The following PDE1A variants were observed in gnomAD, a reference collection of about 807,000 sequenced individuals.
PDE1A encodes the protein phosphodiesterase 1A.
PDE1A carries 35 observed loss-of-function variants against 61.7 expected under a neutral mutation model. That is an observed-to-expected ratio of 0.57 (90% confidence interval 0.43 to 0.75). The LOEUF is 0.75. PDE1A is among the 30% of genes least tolerant of loss of function. PDE1A has a pLI of 0.00. For missense variants in PDE1A, 597 were observed against 630.6 expected, an observed-to-expected ratio of 0.95 and a Z score of 0.57; for synonymous variants, 232 against 213.2, an observed-to-expected ratio of 1.09 and a Z score of -0.77.
At chr2:182,385,312 G>T (rs896024163) in intron 1 of PDE1A, among the ~76,000 whole-genome samples, 1 of 152,152 alleles carries the variant, frequency 6.6e-6, no homozygotes. Context: ...ACTTCAGTGC[G>T]AAGGTTGACA....
the PDE1A span, among the ~76,000 whole-genome samples, chr2:182,545,300 C>T: frequency 6.6e-6 from 1 of 152,180 alleles, no homozygotes; most frequent in Non-Finnish European, 1.5e-5. Flanking sequence ...AAAGCAGCCC[C>T]TTCCCTGGTC....
the PDE1A span, among the ~76,000 whole-genome samples, chr2:182,658,057 AAAAAAAAAAAAAAAAC>A: frequency 1.9e-5 from 2 of 105,732 alleles, no homozygotes; most frequent in African/African-American, 6.6e-5. Flanking sequence ...TAAAAAAAAA[AAAAAAAAAAAAAAAAC>A]AAAAAAACTT....
Position 182,230,181 on chromosome 2 carries a change from C to T in PDE1A, c.535-35G>A, listed in dbSNP as rs1303820650. ...GTAATAATTATAATTATATTTTGAC[C>T]AAAAAAGTGGTACTAAATCAACCTG... On this transcript the variant is annotated intron_variant, in intron 5 of 13. Coordinates refer to ENST00000351439, the Ensembl canonical transcript of PDE1A. 1.1e-4 allele frequency: 173 copies of T among 1,569,424 alleles called. No homozygotes were observed. The East Asian group carries it at 3.2e-3, about 29-fold the overall frequency.
intron 2 of PDE1A, among the ~76,000 whole-genome samples, chr2:182,493,270 T>G (rs1688505197): frequency 6.7e-6 from 1 of 150,054 alleles, no homozygotes; most frequent in Non-Finnish European, 1.5e-5. Context: ...CTTACTATAC[T>G]GGTTAGGCTG....
chr2:182,453,351 A>G (rs1685655149), intron 2 of PDE1A, among the ~76,000 whole-genome samples: 1 of 152,040 alleles, frequency 6.6e-6, no homozygotes, highest in Non-Finnish European at 1.5e-5. Flanking sequence ...GAAAAAGTCA[A>G]CAAGACAACT....
At chr2:182,375,699 G>C (rs531613713) in intron 1 of PDE1A, among the ~76,000 whole-genome samples, 2 of 152,338 alleles carry the variant, frequency 1.3e-5, no homozygotes, top group South Asian at 4.1e-4. Flanking sequence ...TAGGGATTCT[G>C]TGTGGGGGCT....
At chr2:182,518,263 T>C (rs1690341595) in intron 2 of PDE1A, among the ~76,000 whole-genome samples, 2 of 152,186 alleles carry the variant, frequency 1.3e-5, no homozygotes, top group South Asian at 4.1e-4. Context: ...ATATTTCTGC[T>C]ACATCCTCTT....
intron 1 of PDE1A, among the ~76,000 whole-genome samples, chr2:182,425,028 T>C (rs973993110): frequency 1.3e-5 from 2 of 152,204 alleles, no homozygotes; most frequent in African/African-American, 2.4e-5. Context: ...TGCAGTTAAG[T>C]TGCAATCCAC....
intron 1 of PDE1A, among the ~76,000 whole-genome samples, chr2:182,335,354 T>C (rs1697726282): frequency 6.6e-6 from 1 of 152,178 alleles, no homozygotes; most frequent in Non-Finnish European, 1.5e-5. Flanking sequence ...TCACGCTACC[T>C]GACTTCAAAC....
At chr2:182,687,147 G>A in the PDE1A span, among the ~76,000 whole-genome samples, 1 of 152,254 alleles carries the variant, frequency 6.6e-6, no homozygotes, top group East Asian at 1.9e-4. Context: ...AACCTCTGCA[G>A]ACTTAAATGT....
chr2:182,386,070 G>A (rs1701057351), intron 1 of PDE1A, among the ~76,000 whole-genome samples: 1 of 152,204 alleles, frequency 6.6e-6, no homozygotes, highest in Admixed American at 6.5e-5. Flanking sequence ...GGCCGGGCTG[G>A]TCCTAACCGC....
chr2:182,458,373 G>A (rs1686057132), intron 2 of PDE1A, among the ~76,000 whole-genome samples: 1 of 151,708 alleles, frequency 6.6e-6, no homozygotes, highest in African/African-American at 2.4e-5. Context: ...ATGTGCTTTT[G>A]AAAAAAAAGA....
chr2:182,211,223 C>T (rs975651016), intron 7 of PDE1A, among the ~76,000 whole-genome samples: 7 of 152,172 alleles, frequency 4.6e-5, no homozygotes, highest in Admixed American at 4.6e-4. Context: ...TTGCTTTTTG[C>T]TTTTGCATGT....
chr2:182,689,458 T>C, the PDE1A span, among the ~76,000 whole-genome samples: 1 of 151,932 alleles, frequency 6.6e-6, no homozygotes, highest in African/African-American at 2.4e-5. Context: ...AAGGCAGAAA[T>C]AAAAATGTTC....
At chr2:182,601,020 A>G in the PDE1A span, among the ~76,000 whole-genome samples, 1 of 152,288 alleles carries the variant, frequency 6.6e-6, no homozygotes. Context: ...TTGTTACAGG[A>G]TCTTTGGGGT....
intron 1 of PDE1A, among the ~76,000 whole-genome samples, chr2:182,380,106 CTT>C (rs1226939777): frequency 0.15 from 15,766 of 102,546 alleles, 608 homozygotes; most frequent in East Asian, 0.37. Context: ...CCCAGCTCCT[CTT>C]TTTTTTTTTT....
chr2:182,417,198 C>T (rs941142703), intron 1 of PDE1A, among the ~76,000 whole-genome samples: 7 of 152,236 alleles, frequency 4.6e-5, no homozygotes, highest in Admixed American at 2.0e-4. Context: ...TAGATTCCCA[C>T]GCCTTAGCTG....
At chr2:182,219,386 A>G (rs1021162324) in intron 7 of PDE1A, among the ~76,000 whole-genome samples, 7 of 152,052 alleles carry the variant, frequency 4.6e-5, no homozygotes, top group Non-Finnish European at 1.0e-4. Context: ...TCAGATCTGT[A>G]TAATGGAACC....
At chr2:182,437,233 G>A (rs555645227) in intron 2 of PDE1A, among the ~76,000 whole-genome samples, 91 of 152,088 alleles carry the variant, frequency 6.0e-4, no homozygotes, top group African/African-American at 2.0e-3. Context: ...AATCAGATTA[G>A]TAAATGTGCA....
Sources: allele counts gnomAD v4.1 joint callset (sites outside exome capture counted in the v4.1 genomes callset), GRCh38; gene constraint gnomAD v4.1.1; transcripts MANE v1.5; gene names NCBI Gene and HGNC (gene_info 2026-07-23, HGNC 2026-07-21).